Variants in ECSIT observed in about 807,000 individuals in gnomAD.
ECSIT encodes the protein ECSIT signaling integrator, also known as evolutionarily conserved signaling intermediate in Toll pathway, mitochondrial.
In ECSIT, 29 loss-of-function variants were observed where a neutral mutation model predicts 36.8. The ratio of observed to expected loss-of-function variants is 0.79; its 90% CI spans 0.59 to 1.08. The LOEUF (loss-of-function observed/expected upper bound fraction) is 1.08. ECSIT is among the 50% of genes least tolerant of loss of function. The pLI, the probability that ECSIT is intolerant of heterozygous loss-of-function variation, is 0.00. For missense variants in ECSIT, 542 were observed against 581.0 expected (o/e 0.93, Z 0.69); for synonymous variants, 231 against 234.8 (o/e 0.98, Z 0.15).
intron 2 of ECSIT, among the ~76,000 whole-genome samples, chr19:11,516,661 AAATG>A (rs565997890): frequency 7.4e-5 from 11 of 148,934 alleles, no homozygotes; most frequent in Non-Finnish European, 1.6e-4. Context: ...TCTAAAAAAT[AAATG>A]AATGTGTGTG....
intron 2 of ECSIT, among the ~76,000 whole-genome samples, chr19:11,514,525 T>A (rs1414451065): frequency 6.6e-6 from 1 of 151,848 alleles, no homozygotes; most frequent in African/African-American, 2.4e-5. Flanking sequence ...TGGGTTTTTT[T>A]TTTTGGTTTT....
chr19:11,523,445 G>A, intron 1 of ECSIT: 1 of 795,576 alleles, frequency 1.3e-6, no homozygotes, highest in Non-Finnish European at 2.0e-6. Context: ...CATGGCCGAG[G>A]GAGGCATTGC....
At chr19:11,508,142 C>T in intron 4 of ECSIT, 94 bp from the exon 5 acceptor site, 1 of 1,443,036 alleles carries the variant, frequency 6.9e-7, no homozygotes, top group African/African-American at 1.4e-5. Context: ...CCAGGGAATT[C>T]AGGACACCTC....
chr19:11,510,936 G>GC (rs1247876489), intron 4 of ECSIT, among the ~76,000 whole-genome samples: 22 of 150,838 alleles, frequency 1.5e-4, no homozygotes, highest in South Asian at 1.0e-3. Flanking sequence ...TTAAATCTCT[G>GC]CCCCCCCACC....
At chr19:11,508,089 C>A (rs748936576) in intron 4 of ECSIT, 41 bp from the exon 5 acceptor site, 1 of 1,608,690 alleles carries the variant, frequency 6.2e-7, no homozygotes, top group Non-Finnish European at 8.5e-7. Context: ...AACCCCCAAT[C>A]CCCTACAGAG....
intron 2 of ECSIT, among the ~76,000 whole-genome samples, chr19:11,514,995 C>T (rs1445364487): frequency 6.6e-5 from 10 of 151,708 alleles, no homozygotes; most frequent in African/African-American, 1.9e-4. Flanking sequence ...TGCTCCACCA[C>T]GCCCTGCTAA....
At chr19:11,510,656 G>C (rs947688045) in intron 4 of ECSIT, 4 of 152,242 alleles carry the variant, frequency 2.6e-5, no homozygotes, top group African/African-American at 7.2e-5. Flanking sequence ...GGCAGCGCAC[G>C]GGGCCTGGGT....
chr19:11,507,501 T>TA lies in ECSIT; in HGVS notation c.1006dup (p.Tyr336LeufsTer12), dbSNP rs747238446. 1.2e-6 allele frequency: 2 copies of TA among 1,614,074 alleles called. No individual in the cohort carries two copies. Among genetic ancestry groups the TA allele is most frequent in the East Asian group, 4.5e-5 (2 of 44,876 alleles). On this transcript the variant is annotated frameshift_variant, in exon 7 of 8. Transcript: ENST00000270517. LOFTEE classifies it low-confidence loss of function (END_TRUNC). ...GTAGTTGTCCCAGCCACTCCTCACA[T>TA]ACTCCAGGTCCAGCTGCATCGGGTA...
At chr19:11,521,934 T>C in intron 1 of ECSIT, 1 of 168,354 alleles carries the variant, frequency 5.9e-6, no homozygotes, top group Non-Finnish European at 1.3e-5. Flanking sequence ...GCCAGGCTCC[T>C]TTTGCCGGTG....
intron 2 of ECSIT, among the ~76,000 whole-genome samples, chr19:11,515,080 C>G (rs1971962956): frequency 1.3e-5 from 2 of 150,634 alleles, no homozygotes; most frequent in Admixed American, 1.3e-4. Context: ...CTCAAGTGAT[C>G]CACCTGCCTC....
chr19:11,519,086 A>G lies in ECSIT; in HGVS notation c.85T>C (p.Ser29Pro). 1 of 1,551,418 alleles carries G rather than the reference A, an allele frequency of 6.4e-7. No individual in the cohort carries two copies. Among genetic ancestry groups the G allele is most frequent in the Admixed American group, 2.0e-5 (1 of 50,984 alleles). Residue 29 changes from serine to proline, a missense_variant, in exon 2 of 8, where the codon TCC becomes CCC. By Grantham distance (74) the Ser-to-Pro change is moderately conservative. Coordinates refer to ENST00000270517, the MANE Select transcript of ECSIT (RefSeq NM_016581.5). The surrounding 1 kb of genome is among the most constrained non-coding windows in gnomAD (Gnocchi z 4.4). ...GTCGAALTGTSISQVPRRLPR... is the reference protein window; with the variant it reads ...GTCGAALTGTPISQVPRRLPR... ...TGGCTGGTGCTTACCTGAGAGATGG[A>G]GGTTCCTGTGAGGGCGGCCCCGCAG...
chr19:11,507,892 C>T (rs758204709), intron 5 of ECSIT, 42 bp from the exon 6 acceptor site: 14 of 1,613,760 alleles, frequency 8.7e-6, no homozygotes, highest in African/African-American at 8.0e-5. Flanking sequence ...GCAAGGGACT[C>T]GGCCCAGAGG....
intron 1 of ECSIT, among the ~76,000 whole-genome samples, chr19:11,527,370 G>T (rs757272620): frequency 6.6e-6 from 1 of 151,950 alleles, no homozygotes; most frequent in Non-Finnish European, 1.5e-5. Flanking sequence ...GCCTAAAATC[G>T]CTAACGGCAT....
Position 11,519,453 on chromosome 19 carries a change from T to A in ECSIT, c.-23-260A>T, listed in dbSNP as rs1431058369. Among the ~76,000 whole-genome samples the A allele has an allele frequency of 1.3e-5, 2 of 152,000 alleles. No individual in the cohort carries two copies. Among genetic ancestry groups the A allele is most frequent in the Non-Finnish European group, 2.9e-5 (2 of 68,008 alleles). ...CAAGTGATCCTCCAGCCCCAGAGCG[T>A]CGAGAAGCTGGGACTACAGACGCGT... On this transcript the variant is annotated intron_variant, in intron 1 of 7. Transcript: ENST00000270517. This position sits in a 1 kb window ranked among gnomAD's most constrained non-coding sequence, Gnocchi z 4.4.
Position 11,519,177 on chromosome 19 carries a change from G to A in ECSIT, c.-7C>T. 6.5e-7 allele frequency: 1 copy of A among 1,548,374 alleles called. No individual in the cohort carries two copies. Among genetic ancestry groups the A allele is most frequent in the East Asian group, 2.4e-5 (1 of 40,892 alleles). On this transcript the variant is annotated 5_prime_UTR_variant, in exon 2 of 8. Coordinates refer to ENST00000270517, the MANE Select transcript of ECSIT (RefSeq NM_016581.5). The surrounding 1 kb of genome is among the most constrained non-coding windows in gnomAD (Gnocchi z 4.4). Reference sequence around the variant, plus strand: ...TGGCCTGGACCCAGCTCATGCCTCTGCTTGTCAGACAATCACCTGGCCCAA... The same window carrying A: ...TGGCCTGGACCCAGCTCATGCCTCTACTTGTCAGACAATCACCTGGCCCAA...
Position 11,522,310 on chromosome 19 carries a change from GC to G in ECSIT, c.-23-3118del, listed in dbSNP as rs1972121683. ...CACCCAGTGCTACCGAGACATGGGC[GC>G]CCGGTACCCCACCTGGACCCATTCC... On this transcript the variant is annotated intron_variant, in intron 1 of 7. Coordinates refer to ENST00000270517, the MANE Select transcript of ECSIT (RefSeq NM_016581.5). 10 of 664,858 alleles carry G rather than the reference GC, an allele frequency of 1.5e-5. No homozygotes were observed. In the Admixed American group the frequency reaches 2.2e-4, roughly 14 times the overall value. 41.2% of individuals were successfully genotyped at this position (664,858 alleles called of 1,614,324 possible). A position where few individuals can be genotyped will look rare whatever the true frequency, so the allele number is the denominator to read the frequency against.
rs796265812 is a variant in ECSIT at position 11,507,511 on chromosome 19, C to T, written c.997G>A (p.Asp333Asn). The T allele has an allele frequency of 8.1e-6, 13 of 1,614,000 alleles. No individual in the cohort carries two copies. In the African/African-American group the frequency reaches 1.1e-4, roughly 13 times the overall value. Residue 333 changes from aspartate to asparagine, a missense_variant, in exon 7 of 8, where the codon GAC becomes AAC. Asp to Asn is a conservative substitution (Grantham distance 23, BLOSUM62 1). Coordinates refer to ENST00000270517, the MANE Select transcript of ECSIT (RefSeq NM_016581.5). Reference sequence around the variant, plus strand: ...CAGCCACTCCTCACATACTCCAGGTCCAGCTGCATCGGGTAGTAGAGGTTC... The same window carrying T: ...CAGCCACTCCTCACATACTCCAGGTTCAGCTGCATCGGGTAGTAGAGGTTC... ...EWNLYYPMQL[D>N]LEYVRSGWDN...
At position 11,514,018 on chromosome 19, in the gene ECSIT, G is replaced by T; in HGVS notation, c.300C>A (p.Ser100Arg). The change falls in exon 3 of 8, where the codon AGC becomes AGA. Residue 100 changes from serine to arginine, a missense_variant. Physicochemically the swap from Ser to Arg is moderately radical, Grantham distance 110. Coordinates refer to ENST00000270517, the MANE Select transcript of ECSIT (RefSeq NM_016581.5). ...AGTCAATGTGGCCCCGCTTACGCACGCTGTGCTCCGCAAATTTCTGCACCG... is the reference window on the plus strand; with the variant it reads ...AGTCAATGTGGCCCCGCTTACGCACTCTGTGCTCCGCAAATTTCTGCACCG... The part of the protein sequence containing the change: ...LQTVQKFAEH[S>R]VRKRGHIDFI... 1 of 1,614,232 alleles carries T rather than the reference G, an allele frequency of 6.2e-7. No homozygotes were observed. The highest frequency in any genetic ancestry group is 8.5e-7 in the Non-Finnish European group (1 of 1,180,052).
At position 11,514,214 on chromosome 19, in the gene ECSIT, C is replaced by G. The variant is rs577484586; in HGVS notation, c.104G>C (p.Arg35Pro). ...LTGTSISQVPRRLPRGLHCSA... is the reference protein window; with the variant it reads ...LTGTSISQVPPRLPRGLHCSA... ...GCAGTGGAGGCCCCGAGGGAGCCGG[C>G]GAGGGACCTGGGGAGGGAGGAGAAC... Residue 35 changes from arginine (R) to proline (P), a missense_variant, in exon 3 of 8, where the codon CGC becomes CCC. Transcript: ENST00000270517. The G allele has an allele frequency of 6.2e-7, 1 of 1,601,974 alleles. No homozygotes were observed. Among genetic ancestry groups the G allele is most frequent in the Admixed American group, 1.7e-5 (1 of 58,874 alleles).
Sources: allele counts gnomAD v4.1 joint callset (sites outside exome capture counted in the v4.1 genomes callset), GRCh38; gene constraint gnomAD v4.1.1; non-coding constraint Gnocchi (gnomAD v3.1); transcripts MANE v1.5; gene names NCBI Gene and HGNC (gene_info 2026-07-23, HGNC 2026-07-21).